Variants in CNTNAP2 observed in about 807,000 individuals in gnomAD.
The protein encoded by CNTNAP2 is contactin-associated protein-like 2.
A neutral mutation model predicts 155.2 loss-of-function variants in CNTNAP2; 98 were observed. The ratio of observed to expected loss-of-function variants is 0.63; its 90% CI spans 0.54 to 0.75. The LOEUF (loss-of-function observed/expected upper bound fraction) is 0.75. Ranked by LOEUF, CNTNAP2 falls within the 30% of genes least tolerant of loss-of-function variation. CNTNAP2 has a pLI of 0.00. For synonymous variants in CNTNAP2, 651 were observed against 631.2 expected, an observed-to-expected ratio of 1.03 and a Z score of -0.47; for missense variants, 1,727 against 1,688.1, an observed-to-expected ratio of 1.02 and a Z score of -0.40.
chr7:148,041,218 G>A (rs1211555280), intron 15 of CNTNAP2, among the ~76,000 whole-genome samples: 1 of 152,138 alleles, frequency 6.6e-6, no homozygotes, highest in Non-Finnish European at 1.5e-5. Flanking sequence ...GTAACTCCAG[G>A]CAAATGAATA....
chr7:146,443,851 G>A (rs914890570), intron 1 of CNTNAP2, among the ~76,000 whole-genome samples: 12 of 152,258 alleles, frequency 7.9e-5, no homozygotes, highest in Non-Finnish European at 1.6e-4. Flanking sequence ...ATAGCATAAA[G>A]CCCTATTCTA....
At chr7:147,918,335 G>T (rs1249957154) in intron 14 of CNTNAP2, among the ~76,000 whole-genome samples, 1 of 152,046 alleles carries the variant, frequency 6.6e-6, no homozygotes, top group Non-Finnish European at 1.5e-5. Flanking sequence ...CTTTCTTTTT[G>T]CATTGAGTCA....
chr7:147,682,343 C>T (rs954234375), intron 13 of CNTNAP2, among the ~76,000 whole-genome samples: 1 of 151,798 alleles, frequency 6.6e-6, no homozygotes, highest in Non-Finnish European at 1.5e-5. Context: ...ACCCATAAAT[C>T]TTATTCAGTA....
At chr7:146,730,997 G>A (rs1220562381) in intron 1 of CNTNAP2, among the ~76,000 whole-genome samples, 1 of 152,130 alleles carries the variant, frequency 6.6e-6, no homozygotes, top group Non-Finnish European at 1.5e-5. Flanking sequence ...AGTGTTTATT[G>A]TGTTCATAAA....
intron 1 of CNTNAP2, among the ~76,000 whole-genome samples, chr7:146,772,771 A>G (rs1802318090): frequency 6.6e-6 from 1 of 152,180 alleles, no homozygotes; most frequent in African/African-American, 2.4e-5. Context: ...TGGCCATCAT[A>G]GGCCACTGGG....
intron 8 of CNTNAP2, among the ~76,000 whole-genome samples, chr7:147,176,855 A>C (rs1802356466): frequency 1.7e-5 from 2 of 117,870 alleles, no homozygotes; most frequent in East Asian, 2.1e-4. Flanking sequence ...ATAATATATA[A>C]TAGATATTAT....
At chr7:146,548,936 C>T (rs952130450) in intron 1 of CNTNAP2, among the ~76,000 whole-genome samples, 3 of 151,042 alleles carry the variant, frequency 2.0e-5, no homozygotes, top group East Asian at 2.0e-4. Context: ...ATTGCCAAGA[C>T]GAATGTCATA....
At chr7:148,074,599 G>A (rs531113600) in intron 15 of CNTNAP2, among the ~76,000 whole-genome samples, 1 of 151,822 alleles carries the variant, frequency 6.6e-6, no homozygotes, top group Non-Finnish European at 1.5e-5. Context: ...TGATGCAGGC[G>A]AATCGCTTGA....
chr7:147,385,650 G>A (rs890784999), intron 9 of CNTNAP2, among the ~76,000 whole-genome samples: 1 of 152,206 alleles, frequency 6.6e-6, no homozygotes, highest in Non-Finnish European at 1.5e-5. Flanking sequence ...CATGGCCTTG[G>A]GCAGCTCTGC....
chr7:146,810,149 T>C (rs1389894404), intron 2 of CNTNAP2, among the ~76,000 whole-genome samples: 2 of 152,192 alleles, frequency 1.3e-5, no homozygotes, highest in Non-Finnish European at 2.9e-5. Flanking sequence ...CAAAGAGTAG[T>C]TGATCAGAAA....
intron 13 of CNTNAP2, among the ~76,000 whole-genome samples, chr7:147,675,810 C>G (rs1343075547): frequency 6.6e-6 from 1 of 151,936 alleles, no homozygotes; most frequent in Non-Finnish European, 1.5e-5. Context: ...GAAAAATAGA[C>G]TTTGGAGTTA....
chr7:147,574,311 C>T (rs1352627002), intron 12 of CNTNAP2, among the ~76,000 whole-genome samples: 1 of 151,960 alleles, frequency 6.6e-6, no homozygotes, highest in East Asian at 1.9e-4. Flanking sequence ...TCACAGCTTT[C>T]CTCATATTCG....
At chr7:147,076,119 T>G (rs1481367117) in intron 4 of CNTNAP2, among the ~76,000 whole-genome samples, 1 of 152,228 alleles carries the variant, frequency 6.6e-6, no homozygotes, top group Non-Finnish European at 1.5e-5. Flanking sequence ...TATAGCAGCA[T>G]GATTTATAAT....
intron 8 of CNTNAP2, among the ~76,000 whole-genome samples, chr7:147,183,218 C>A (rs1802501656): frequency 6.6e-6 from 1 of 151,728 alleles, no homozygotes; most frequent in Non-Finnish European, 1.5e-5. Context: ...TCATTAAAAT[C>A]TACTTTTATT....
intron 4 of CNTNAP2, among the ~76,000 whole-genome samples, chr7:147,065,920 C>T (rs1002342343): frequency 3.9e-5 from 6 of 151,968 alleles, no homozygotes; most frequent in South Asian, 2.1e-4. Flanking sequence ...AAAATAAAGA[C>T]GGTGATTTTC....
At position 147,404,490 on chromosome 7, in the gene CNTNAP2, C is replaced by T. The variant is rs747848140; in HGVS notation, c.1670+8710C>T. On this transcript the variant is annotated intron_variant, in intron 10 of 23. Coordinates refer to ENST00000361727, the MANE Select transcript of CNTNAP2 (RefSeq NM_014141.6). Reference sequence around the variant, plus strand: ...CCCTTCACCTTAACTCGGTTTATTTCCCATATTGGATTCCACTGATTTTTA... The same window carrying T: ...CCCTTCACCTTAACTCGGTTTATTTTCCATATTGGATTCCACTGATTTTTA... 8.5e-5 allele frequency among the ~76,000 whole-genome samples: 13 copies of T among 152,282 alleles called. No individual in the cohort carries two copies. The South Asian group carries it at 1.0e-3, about 12-fold the overall frequency.
chr7:147,816,764 A>G (rs911215223), intron 13 of CNTNAP2, among the ~76,000 whole-genome samples: 3 of 152,318 alleles, frequency 2.0e-5, no homozygotes, highest in African/African-American at 7.2e-5. Flanking sequence ...GCAGTTCATT[A>G]ATGTGTAAGA....
intron 13 of CNTNAP2, among the ~76,000 whole-genome samples, chr7:147,888,073 A>G (rs1269025597): frequency 6.6e-6 from 1 of 152,224 alleles, no homozygotes; most frequent in East Asian, 1.9e-4. Context: ...CATATTTCCA[A>G]GAAACATGAT....
intron 1 of CNTNAP2, among the ~76,000 whole-genome samples, chr7:146,508,590 T>A (rs1447430889): frequency 6.6e-6 from 1 of 152,150 alleles, no homozygotes; most frequent in African/African-American, 2.4e-5. Flanking sequence ...GACTGCCAAT[T>A]CCACATGTGG....
Sources: allele counts gnomAD v4.1 joint callset (sites outside exome capture counted in the v4.1 genomes callset), GRCh38; gene constraint gnomAD v4.1.1; transcripts MANE v1.5; gene names NCBI Gene and HGNC (gene_info 2026-07-23, HGNC 2026-07-21).